Variants in GRID2 observed in about 807,000 individuals in gnomAD.
GRID2 encodes the protein glutamate ionotropic receptor delta type subunit 2, also known as glutamate receptor ionotropic, delta-2.
A neutral mutation model predicts 114.8 loss-of-function variants in GRID2; 33 were observed. That is an observed-to-expected ratio of 0.29 (90% CI 0.22 to 0.38). The LOEUF (loss-of-function observed/expected upper bound fraction) is 0.38, where lower values mean the gene tolerates loss of function less well. Ranked by LOEUF, GRID2 falls within the 10% of genes least tolerant of loss-of-function variation. GRID2 has a pLI of 1.00. For synonymous variants in GRID2, 505 were observed against 449.9 expected (o/e 1.12, Z -1.55); for missense variants, 1,184 against 1,257.7 (o/e 0.94, Z 0.89).
chr4:93,220,662 G>C (rs181387065), intron 6 of GRID2, among the ~76,000 whole-genome samples: 200 of 152,218 alleles, frequency 1.3e-3, no homozygotes, highest in Non-Finnish European at 1.9e-3. Context: ...CGGTGGCTTT[G>C]AGTACTTCCT....
At chr4:93,055,654 T>C (rs964394479) in intron 2 of GRID2, among the ~76,000 whole-genome samples, 1 of 151,952 alleles carries the variant, frequency 6.6e-6, no homozygotes, top group African/African-American at 2.4e-5. Flanking sequence ...TAAAACAACC[T>C]GAAAGCCTTG....
chr4:93,651,738 A>C (rs1722597644), intron 14 of GRID2, among the ~76,000 whole-genome samples: 1 of 152,316 alleles, frequency 6.6e-6, no homozygotes, highest in Non-Finnish European at 1.5e-5. Context: ...TTGTTTGAAA[A>C]GAGATAGAAA....
At chr4:92,578,721 T>TATCTATCAATCAATCA (rs201601093) in intron 1 of GRID2, among the ~76,000 whole-genome samples, 115 of 138,490 alleles carry the variant, frequency 8.3e-4, no homozygotes, top group Middle Eastern at 3.6e-3. Flanking sequence ...TATCATTATC[T>TATCTATCAATCAATCA]ATCTATCTAT....
At chr4:93,180,148 C>A (rs11945891) in intron 4 of GRID2, among the ~76,000 whole-genome samples, 11,256 of 151,876 alleles carry the variant, frequency 0.074, 446 homozygotes, top group East Asian at 0.14. Flanking sequence ...ACATGCAACC[C>A]GTCAAAAAAG....
intron 2 of GRID2, among the ~76,000 whole-genome samples, chr4:93,034,708 A>G (rs985506157): frequency 6.6e-6 from 1 of 152,164 alleles, no homozygotes; most frequent in African/African-American, 2.4e-5. Context: ...ATCAAGGCAC[A>G]TAACTCACTT....
At chr4:93,442,832 G>T (rs1470062757) in intron 10 of GRID2, among the ~76,000 whole-genome samples, 2 of 151,884 alleles carry the variant, frequency 1.3e-5, no homozygotes, top group Non-Finnish European at 2.9e-5. Flanking sequence ...ATTTCTAATG[G>T]GTACCTCAAA....
chr4:92,921,902 AG>A (rs1749376329), intron 2 of GRID2, among the ~76,000 whole-genome samples: 2 of 152,184 alleles, frequency 1.3e-5, no homozygotes, highest in Admixed American at 1.3e-4. Flanking sequence ...AAGTCTGCAG[AG>A]TTTTCTGCTG....
chr4:92,914,167 C>T (rs780598483), intron 2 of GRID2, among the ~76,000 whole-genome samples: 4 of 152,028 alleles, frequency 2.6e-5, no homozygotes, highest in Non-Finnish European at 5.9e-5. Context: ...AACAATTGTA[C>T]ATATTTAATA....
intron 8 of GRID2, among the ~76,000 whole-genome samples, chr4:93,241,776 A>G (rs746464673): frequency 2.6e-5 from 4 of 151,056 alleles, no homozygotes; most frequent in Non-Finnish European, 4.4e-5. Context: ...GTAATGCCAT[A>G]TGTTTAAATA....
At chr4:93,164,323 A>G (rs1219573026) in intron 4 of GRID2, among the ~76,000 whole-genome samples, 22 of 152,080 alleles carry the variant, frequency 1.4e-4, no homozygotes, top group Admixed American at 1.4e-3. Context: ...AATGAAGAGC[A>G]GATGTAACGG....
At chr4:93,146,687 G>A (rs1736292384) in intron 4 of GRID2, among the ~76,000 whole-genome samples, 1 of 104,076 alleles carries the variant, frequency 9.6e-6, no homozygotes, top group Admixed American at 1.1e-4. Context: ...AGCCACTACA[G>A]GTACCTAAGT....
chr4:93,490,417 C>A (rs1726872667), intron 11 of GRID2, among the ~76,000 whole-genome samples: 1 of 151,784 alleles, frequency 6.6e-6, no homozygotes, highest in South Asian at 2.1e-4. Context: ...ATCATTTAAA[C>A]ATGTTATACT....
intron 1 of GRID2, among the ~76,000 whole-genome samples, chr4:92,589,171 C>T (rs1728595112): frequency 6.6e-6 from 1 of 152,010 alleles, no homozygotes; most frequent in Non-Finnish European, 1.5e-5. Flanking sequence ...TCCACACTGG[C>T]TTTATAATAC....
Position 93,515,306 on chromosome 4 carries a change from G to A in GRID2, c.2088G>A (p.Leu696=), listed in dbSNP as rs917173948. ...AVYEHVRMKG[L]NPFERDSMYS... is the part of the protein sequence containing the mutation. ...ATGAGCATGTCCGCATGAAAGGACT[G>A]AATCCTTTTGAGAGGGACAGCATGT... The change falls in exon 13 of 16, where the codon CTG becomes CTA. Residue 696 remains leucine (L), a synonymous_variant. Coordinates refer to ENST00000282020, the MANE Select transcript of GRID2 (RefSeq NM_001510.4). The A allele has an allele frequency of 1.9e-6, 3 of 1,607,040 alleles. No homozygotes were observed. In the Admixed American group the frequency reaches 5.0e-5, roughly 27 times the overall value.
chr4:93,069,684 G>A (rs1400131582), intron 2 of GRID2, among the ~76,000 whole-genome samples: 1 of 152,058 alleles, frequency 6.6e-6, no homozygotes, highest in Non-Finnish European at 1.5e-5. Context: ...AGAGAGAAAT[G>A]TCGTTATGTT....
chr4:93,054,559 G>A (rs1216019607), intron 2 of GRID2, among the ~76,000 whole-genome samples: 1 of 151,806 alleles, frequency 6.6e-6, no homozygotes, highest in Non-Finnish European at 1.5e-5. Context: ...CCCAAGACAA[G>A]GACTGCACAC....
intron 10 of GRID2, among the ~76,000 whole-genome samples, chr4:93,452,890 C>CTT (rs879554405): frequency 6.9e-6 from 1 of 144,176 alleles, no homozygotes; most frequent in African/African-American, 2.5e-5. Context: ...GGTCCTTGGC[C>CTT]TTTTTTTTTT....
chr4:92,442,023 G>T (rs950937441), intron 1 of GRID2, among the ~76,000 whole-genome samples: 45 of 151,572 alleles, frequency 3.0e-4, no homozygotes, highest in African/African-American at 5.8e-4. Context: ...TTGGGGAGTT[G>T]TAAGAGGTTT....
intron 2 of GRID2, among the ~76,000 whole-genome samples, chr4:92,922,362 C>G (rs1195057584): frequency 6.6e-6 from 1 of 152,096 alleles, no homozygotes; most frequent in Non-Finnish European, 1.5e-5. Flanking sequence ...CCTGCACCCA[C>G]TGTCCGACAA....
Sources: gnomAD v4.1 joint callset for allele counts (sites outside exome capture counted in the v4.1 genomes callset) on GRCh38, gnomAD v4.1.1 for gene constraint, MANE v1.5 for transcripts, NCBI Gene and HGNC (gene_info 2026-07-23, HGNC 2026-07-21) for gene names.